The following MSRA variants were observed in gnomAD, a reference collection of about 807,000 sequenced individuals.
MSRA encodes mitochondrial peptide methionine sulfoxide reductase.
Under a neutral mutation model 31.3 loss-of-function variants are expected in MSRA, and 54 were observed. That is an observed-to-expected ratio of 1.73 (90% CI 1.39 to 2.17). The LOEUF is 2.17. Ranked by LOEUF, MSRA falls within the 30% of genes most tolerant of loss-of-function variation. The pLI, the probability that MSRA is intolerant of heterozygous loss-of-function variation, is 0.00. For missense variants in MSRA, 507 were observed against 300.9 expected, an observed-to-expected ratio of 1.69 and a Z score of -5.07; for synonymous variants, 169 against 116.5, an observed-to-expected ratio of 1.45 and a Z score of -2.90.
At chr8:10,058,241 G>A (rs1802504662) in intron 1 of MSRA, among the ~76,000 whole-genome samples, 1 of 151,984 alleles carries the variant, frequency 6.6e-6, no homozygotes, top group African/African-American at 2.4e-5. Context: ...AATCCAAAAG[G>A]TGGCTCTTTG....
chr8:10,291,751 G>T (rs1254720872), intron 3 of MSRA, among the ~76,000 whole-genome samples: 2 of 152,106 alleles, frequency 1.3e-5, no homozygotes, highest in African/African-American at 2.4e-5. Flanking sequence ...AGTCTGGCTG[G>T]CAGGGAAAGG....
chr8:10,116,800 T>G (rs182434055), intron 1 of MSRA, among the ~76,000 whole-genome samples: 1 of 152,252 alleles, frequency 6.6e-6, no homozygotes, highest in East Asian at 1.9e-4. Flanking sequence ...AAGCCCCGTC[T>G]CTACTAAAAA....
At chr8:10,092,925 A>C (rs1253277935) in intron 1 of MSRA, among the ~76,000 whole-genome samples, 1 of 152,180 alleles carries the variant, frequency 6.6e-6, no homozygotes, top group Non-Finnish European at 1.5e-5. Flanking sequence ...CCCTGTTAGC[A>C]TTATAAAACG....
intron 3 of MSRA, among the ~76,000 whole-genome samples, chr8:10,259,919 G>T (rs1366582359): frequency 2.6e-5 from 4 of 152,216 alleles, no homozygotes; most frequent in African/African-American, 9.6e-5. Context: ...GCTCTCCCTG[G>T]TGGGTGTTCT....
chr8:10,063,224 G>C (rs771019083), intron 1 of MSRA, among the ~76,000 whole-genome samples: 1 of 152,166 alleles, frequency 6.6e-6, no homozygotes, highest in Non-Finnish European at 1.5e-5. Context: ...CTCTACATTT[G>C]AGTTGTCCTT....
At chr8:10,199,731 C>T (rs1585151154) in intron 1 of MSRA, among the ~76,000 whole-genome samples, 1 of 152,246 alleles carries the variant, frequency 6.6e-6, no homozygotes, top group East Asian at 1.9e-4. Context: ...TTGCATAATG[C>T]TTTATTCTAT....
At chr8:10,278,744 G>A (rs1799459139) in intron 3 of MSRA, among the ~76,000 whole-genome samples, 1 of 152,214 alleles carries the variant, frequency 6.6e-6, no homozygotes, top group South Asian at 2.1e-4. Context: ...AGAAAGGGCA[G>A]AAATGGTTAG....
intron 1 of MSRA, among the ~76,000 whole-genome samples, chr8:10,123,478 T>G (rs1801274094): frequency 6.6e-6 from 1 of 152,236 alleles, no homozygotes; most frequent in Non-Finnish European, 1.5e-5. Flanking sequence ...GTCTGTTTAC[T>G]CTGTTGATAG....
At chr8:10,407,679 G>A (rs1366732927) in intron 5 of MSRA, among the ~76,000 whole-genome samples, 1 of 152,160 alleles carries the variant, frequency 6.6e-6, no homozygotes, top group Non-Finnish European at 1.5e-5. Context: ...GCAGGATTCT[G>A]TAGGCAAGAG....
intron 5 of MSRA, among the ~76,000 whole-genome samples, chr8:10,364,325 T>C (rs983136785): frequency 6.6e-6 from 1 of 152,156 alleles, no homozygotes; most frequent in African/African-American, 2.4e-5. Context: ...CAACACAGGC[T>C]CCTGGGGCGT....
intron 5 of MSRA, among the ~76,000 whole-genome samples, chr8:10,427,168 C>CTG (rs1426071722): frequency 6.6e-6 from 1 of 152,174 alleles, no homozygotes; most frequent in African/African-American, 2.4e-5. Flanking sequence ...AACATGGGTC[C>CTG]TGGCTCTGCT....
chr8:10,235,402 AC>A (rs1811859408), intron 2 of MSRA, among the ~76,000 whole-genome samples: 1 of 152,154 alleles, frequency 6.6e-6, no homozygotes, highest in Admixed American at 6.5e-5. Flanking sequence ...TGTATCTAGA[AC>A]AAACCTTAGA....
Position 10,075,139 on chromosome 8 carries a change from G to A in MSRA, c.142+20481G>A, listed in dbSNP as rs927302927. On this transcript the variant is annotated intron_variant, in intron 1 of 5. Coordinates refer to ENST00000317173, the MANE Select transcript of MSRA (RefSeq NM_012331.5). ...ATTTAAGTTTATAATAGTGATTATT[G>A]TATTTCTGTTTTCTGTATAATGGCA... 2.6e-5 allele frequency among the ~76,000 whole-genome samples: 4 copies of A among 152,110 alleles called. No homozygotes were observed. In the East Asian group the frequency reaches 7.7e-4, roughly 29 times the overall value.
intron 3 of MSRA, among the ~76,000 whole-genome samples, chr8:10,259,848 G>A (rs866734687): frequency 8.5e-5 from 13 of 152,282 alleles, no homozygotes; most frequent in South Asian, 4.2e-4. Context: ...CATGGCAGTC[G>A]GTGCCACCCA....
intron 5 of MSRA, among the ~76,000 whole-genome samples, chr8:10,421,741 C>T (rs530281924): frequency 6.6e-6 from 1 of 152,238 alleles, no homozygotes; most frequent in African/African-American, 2.4e-5. Context: ...TGTGGTGTTC[C>T]TATGAGTCGC....
intron 5 of MSRA, among the ~76,000 whole-genome samples, chr8:10,345,729 C>G (rs1349503684): frequency 1.3e-5 from 2 of 152,142 alleles, no homozygotes; most frequent in African/African-American, 2.4e-5. Context: ...GTTTCTGTTT[C>G]TTTTCTGGTG....
At chr8:10,243,602 A>T (rs1054981099) in intron 2 of MSRA, among the ~76,000 whole-genome samples, 10 of 152,124 alleles carry the variant, frequency 6.6e-5, no homozygotes, top group Non-Finnish European at 1.2e-4. Context: ...AAAAATGTAA[A>T]TTTTTTATTC....
intron 5 of MSRA, 67 bp from the exon 6 acceptor site, chr8:10,428,081 G>T: frequency 6.5e-7 from 1 of 1,544,794 alleles, no homozygotes. Context: ...TGGCCCCTCA[G>T]TGCCACCCCT....
chr8:10,400,972 TG>T (rs1166926149), intron 5 of MSRA, among the ~76,000 whole-genome samples: 1 of 152,212 alleles, frequency 6.6e-6, no homozygotes, highest in Admixed American at 6.5e-5. Flanking sequence ...ATGGATTTAA[TG>T]CAGATCTCTG....
Sources: allele counts gnomAD v4.1 joint callset (sites outside exome capture counted in the v4.1 genomes callset), GRCh38; gene constraint gnomAD v4.1.1; transcripts MANE v1.5; gene names NCBI Gene and HGNC (gene_info 2026-07-23, HGNC 2026-07-21).